The following TM4SF19 variants were observed in gnomAD, a reference collection of about 807,000 sequenced individuals.
TM4SF19 encodes transmembrane 4 L six family member 19, also known as transmembrane 4 L6 family member 19.
Under a neutral mutation model 21.8 loss-of-function variants are expected in TM4SF19, and 17 were observed. The ratio of observed to expected loss-of-function variants is 0.78; its 90% CI spans 0.53 to 1.17. TM4SF19 has a LOEUF of 1.17. TM4SF19 is among the 50% of genes most tolerant of loss of function. TM4SF19 has a pLI of 0.00. For missense variants in TM4SF19, 216 were observed against 252.1 expected (o/e 0.86, Z 0.97); for synonymous variants, 107 against 106.7 (o/e 1.00, Z -0.02).
chr3:196,335,459 C>A (rs1378915457), intron 1 of TM4SF19, among the ~76,000 whole-genome samples: 9 of 34,876 alleles, frequency 2.6e-4, no homozygotes, highest in East Asian at 8.9e-4. Context: ...GGAGGGGTGC[C>A]CTGGGAGGGT....
At chr3:196,330,496 T>C (rs1030616469) in intron 1 of TM4SF19, among the ~76,000 whole-genome samples, 5 of 152,158 alleles carry the variant, frequency 3.3e-5, no homozygotes, top group Admixed American at 2.0e-4. Context: ...TCAAGACAAA[T>C]TGTGTTATCC....
intron 1 of TM4SF19, among the ~76,000 whole-genome samples, chr3:196,336,731 A>C (rs1486971490): frequency 2.6e-5 from 4 of 152,240 alleles, no homozygotes; most frequent in Non-Finnish European, 1.5e-5. Context: ...TAAAACCTTA[A>C]AACCAGGCTG....
chr3:196,332,848 A>T (rs920622655), intron 1 of TM4SF19, among the ~76,000 whole-genome samples: 130 of 120,852 alleles, frequency 1.1e-3, no homozygotes, highest in African/African-American at 3.3e-3. Context: ...TCAACTTACA[A>T]TTTTTTTTTT....
chr3:196,337,717 G>C (rs186448261), intron 1 of TM4SF19, among the ~76,000 whole-genome samples: 37 of 152,188 alleles, frequency 2.4e-4, no homozygotes, highest in Admixed American at 2.3e-3. Flanking sequence ...AGCACATTTG[G>C]GTGTCTCAAG....
At position 196,323,694 on chromosome 3, in the gene TM4SF19, CATT is replaced by C. The variant is rs1393605630; in HGVS notation, c.*120_*122del. ...ACCGACCTGCAGTGAATTTTGTTGT[CATT>C]ATTACTCCAGGGATACCTAAAGGGG... is the stretch of plus-strand genomic sequence containing the variant. On this transcript the variant is annotated 3_prime_UTR_variant, in exon 5 of 5. Coordinates refer to ENST00000273695, the MANE Select transcript of TM4SF19 (RefSeq NM_138461.4). 8.4e-6 allele frequency: 13 copies of C among 1,549,158 alleles called. No individual in the cohort carries two copies. The highest frequency in any genetic ancestry group is 2.0e-5 in the Admixed American group (1 of 50,778).
intron 1 of TM4SF19, among the ~76,000 whole-genome samples, chr3:196,336,606 C>A (rs1049881061): frequency 6.6e-6 from 1 of 152,250 alleles, no homozygotes; most frequent in Non-Finnish European, 1.5e-5. Flanking sequence ...CTCCTCCTGA[C>A]TTTATTCCCC....
rs1175104114 is a variant in TM4SF19 at position 196,327,491 on chromosome 3, C to T, written c.100G>A (p.Val34Met). ...TAALFAAGAN[V>M]ALLLPNWDVT... The stretch of plus-strand genomic sequence containing the variant: ...TCCCAGTTAGGAAGGAGGAGTGCCA[C>T]GTTGGCCCCAGCAGCAAACAGGGCT... The change falls in exon 2 of 5, where the codon GTG (valine) becomes ATG (methionine). Residue 34 changes from valine to methionine, a missense_variant. Val to Met is a conservative substitution (Grantham distance 21). Coordinates refer to ENST00000273695, the MANE Select transcript of TM4SF19 (RefSeq NM_138461.4). 3 of 1,614,142 alleles carry T rather than the reference C, an allele frequency of 1.9e-6. No homozygotes were observed. The highest frequency in any genetic ancestry group is 1.1e-5 in the South Asian group (1 of 91,086).
chr3:196,334,447 A>G, intron 1 of TM4SF19, among the ~76,000 whole-genome samples: 1 of 150,690 alleles, frequency 6.6e-6, no homozygotes, highest in East Asian at 1.9e-4. Flanking sequence ...GACCCGGTCC[A>G]GGATAAATAA....
chr3:196,337,797 C>A (rs1191456593), intron 1 of TM4SF19, among the ~76,000 whole-genome samples: 1 of 152,056 alleles, frequency 6.6e-6, no homozygotes, highest in African/African-American at 2.4e-5. Context: ...TTTTAATAAA[C>A]CTTCACTCCT....
Position 196,323,986 on chromosome 3 carries a change from T to TA in TM4SF19, c.460dup (p.Tyr154LeufsTer2), listed in dbSNP as rs1560199890. 1 of 1,613,862 alleles carries TA rather than the reference T, an allele frequency of 6.2e-7. No homozygotes were observed. The highest frequency in any genetic ancestry group is 8.5e-7 in the Non-Finnish European group (1 of 1,179,948). Reference sequence around the variant, plus strand: ...GACGGAGTTCCAGAGCGAACGGTCATACAGATAATTCCTATCCCAAAAAAT... The same window carrying TA: ...GACGGAGTTCCAGAGCGAACGGTCATAACAGATAATTCCTATCCCAAAAAAT... On this transcript the variant is annotated frameshift_variant, in exon 5 of 5. Coordinates refer to ENST00000273695, the MANE Select transcript of TM4SF19 (RefSeq NM_138461.4). LOFTEE classifies it high-confidence loss of function.
In TM4SF19 at chr3:196,325,490, G is replaced by C. The variant is rs146372503; in HGVS notation, c.280-1050C>G. 6.6e-6 allele frequency: 1 copy of C among 152,104 alleles called. No homozygotes were observed. Among genetic ancestry groups the C allele is most frequent in the African/African-American group, 2.4e-5 (1 of 41,394 alleles). 9.4% of individuals were successfully genotyped at this position (152,104 alleles called of 1,614,324 possible). A position where few individuals can be genotyped will look rare whatever the true frequency, so the allele number is the denominator to read the frequency against. On this transcript the variant is annotated intron_variant, in intron 3 of 4. Transcript: ENST00000273695. This position sits in a 1 kb window ranked among gnomAD's most constrained non-coding sequence, Gnocchi z 4.3. ...GCTGGGATTACAGGCATGAGCCACC[G>C]TGCCCGGCCCATATTGGATTCTTTC...
chr3:196,326,406 GTGTGTGTGTT>G (rs1483489067), intron 3 of TM4SF19, among the ~76,000 whole-genome samples: 4 of 151,996 alleles, frequency 2.6e-5, no homozygotes, highest in South Asian at 2.1e-4. Context: ...GTGTGTGTGT[GTGTGTGTGTT>G]TGTTACACAC....
intron 3 of TM4SF19, 21 bp from the exon 4 acceptor site, chr3:196,324,461 C>A: frequency 6.2e-7 from 1 of 1,613,042 alleles, no homozygotes; most frequent in South Asian, 1.1e-5. Flanking sequence ...AGGAGAAACA[C>A]TGAGCTAAGA....
At chr3:196,327,651 T>G in intron 1 of TM4SF19, 60 bp from the exon 2 acceptor site, 3 of 1,407,446 alleles carry the variant, frequency 2.1e-6, no homozygotes, top group Non-Finnish European at 3.0e-6. Flanking sequence ...GGAAGGGAAC[T>G]CCAGCAGCAT....
chr3:196,334,107 A>G (rs1156376488), intron 1 of TM4SF19, among the ~76,000 whole-genome samples: 1 of 152,188 alleles, frequency 6.6e-6, no homozygotes, highest in Non-Finnish European at 1.5e-5. Flanking sequence ...AATGTGTAAA[A>G]TATATTTGTA....
intron 1 of TM4SF19, among the ~76,000 whole-genome samples, chr3:196,332,529 TG>T (rs1198342010): frequency 6.6e-6 from 1 of 151,308 alleles, no homozygotes; most frequent in African/African-American, 2.4e-5. Flanking sequence ...ATAAAAGATA[TG>T]GATCAGAGGC....
At position 196,326,962 on chromosome 3, in the gene TM4SF19, C is replaced by G. The variant is rs1464378263; in HGVS notation, c.272G>C (p.Cys91Ser). 7 of 1,610,146 alleles carry G rather than the reference C, an allele frequency of 4.3e-6. 2 individuals are homozygous for G. The South Asian group carries it at 7.7e-5, about 18-fold the overall frequency. Residue 91 changes from cysteine to serine, a missense_variant, in exon 3 of 5, where the codon TGT becomes TCT. Physicochemically the swap from Cys to Ser is moderately radical, Grantham distance 112. Transcript: ENST00000273695. Reference protein sequence around the residue: ...RYGCFSKSGLCRSVLTALLSG... With the variant: ...RYGCFSKSGLSRSVLTALLSG... ...GTGGAATCTGGTGCTTACGCTTCGA[C>G]AGAGCCCACTCTTACTGAAGCAGCC...
chr3:196,337,299 G>A (rs997218571), intron 1 of TM4SF19, among the ~76,000 whole-genome samples: 2 of 151,974 alleles, frequency 1.3e-5, no homozygotes, highest in African/African-American at 4.8e-5. Context: ...AATCAAGTGT[G>A]GTAAGAAATA....
intron 1 of TM4SF19, among the ~76,000 whole-genome samples, chr3:196,329,903 G>C (rs1727439773): frequency 8.7e-6 from 1 of 115,480 alleles, no homozygotes; most frequent in African/African-American, 2.9e-5. Flanking sequence ...ACAGAGTCTT[G>C]CTCTGTCAGC....
Sources: gnomAD v4.1 joint callset for allele counts (sites outside exome capture counted in the v4.1 genomes callset) on GRCh38, gnomAD v4.1.1 for gene constraint, Gnocchi (gnomAD v3.1) non-coding constraint, MANE v1.5 for transcripts, NCBI Gene and HGNC (gene_info 2026-07-23, HGNC 2026-07-21) for gene names.